NEDD4L: variants seen among roughly 807,000 people sequenced by gnomAD.
NEDD4L encodes E3 ubiquitin-protein ligase NEDD4-like.
In NEDD4L, 54 loss-of-function variants were observed where a neutral mutation model predicts 148.9. That is an observed-to-expected ratio of 0.36 (90% confidence interval 0.29 to 0.45). NEDD4L has a LOEUF of 0.45. NEDD4L is among the 20% of genes least tolerant of loss of function. The pLI is 1.00. For synonymous variants in NEDD4L, 433 were observed against 440.7 expected (o/e 0.98, Z 0.22); for missense variants, 856 against 1,233.8 (o/e 0.69, Z 4.59).
At chr18:58,344,312 C>G (rs78297981) in intron 16 of NEDD4L, among the ~76,000 whole-genome samples, 1 of 152,178 alleles carries the variant, frequency 6.6e-6, no homozygotes, top group African/African-American at 2.4e-5. Context: ...TCCTTTGAAC[C>G]GTGGGACATT....
At position 58,166,997 on chromosome 18, in the gene NEDD4L, G is replaced by A. The variant is rs58831097; in HGVS notation, c.122+1136G>A. On this transcript the variant is annotated intron_variant, in intron 2 of 30. Coordinates refer to ENST00000400345, the MANE Select transcript of NEDD4L (RefSeq NM_001144967.3). Reference sequence around the variant, plus strand: ...GATTGATCATGCATGATTGAGTTTTGTCTATTAAAGCAATTGTTAAGTTAC... The same window carrying A: ...GATTGATCATGCATGATTGAGTTTTATCTATTAAAGCAATTGTTAAGTTAC... 6.6e-3 allele frequency among the ~76,000 whole-genome samples: 1,006 copies of A among 152,262 alleles called. 18 individuals carry two copies. Among genetic ancestry groups the A allele is most frequent in the African/African-American group, 0.023 (969 of 41,546 alleles).
Position 58,044,469 on chromosome 18 carries a change from A to G in NEDD4L, c.-192A>G. ...CTGGTCCCGCAGCCTTCCGGGAGGA[A>G]GCGGTGCCGGCAGCGTCCAGGGCGC... On this transcript the variant is annotated 5_prime_UTR_variant, in exon 1 of 31. Transcript: ENST00000400345. The G allele has an allele frequency of 1.7e-6, 1 of 592,616 alleles. No individual in the cohort carries two copies. Among genetic ancestry groups the G allele is most frequent in the Non-Finnish European group, 2.4e-6 (1 of 414,342 alleles). 36.7% of individuals were successfully genotyped at this position (592,616 alleles called of 1,614,324 possible). A position where few individuals can be genotyped will look rare whatever the true frequency, so the allele number is the denominator to read the frequency against.
intron 5 of NEDD4L, among the ~76,000 whole-genome samples, chr18:58,308,108 T>G (rs1329883535): frequency 6.6e-6 from 1 of 152,212 alleles, no homozygotes; most frequent in Non-Finnish European, 1.5e-5. Flanking sequence ...GAGAACCCAG[T>G]GACACATTTT....
intron 1 of NEDD4L, among the ~76,000 whole-genome samples, chr18:58,161,650 C>T (rs867190841): frequency 1.1e-4 from 16 of 152,198 alleles, no homozygotes; most frequent in Middle Eastern, 6.8e-3. Context: ...ACTGCTATAA[C>T]AACTTTTGGT....
At chr18:58,268,046 A>G (rs867236368) in intron 5 of NEDD4L, among the ~76,000 whole-genome samples, 1 of 152,048 alleles carries the variant, frequency 6.6e-6, no homozygotes, top group African/African-American at 2.4e-5. Flanking sequence ...TCAACTGTCA[A>G]AAGCCCAATT....
rs111463897 is a variant in NEDD4L, at chr18:58,387,510, A to G, written c.2547+12A>G. On this transcript the variant is annotated intron_variant, in intron 27 of 30. Coordinates refer to ENST00000400345, the MANE Select transcript of NEDD4L (RefSeq NM_001144967.3). Reference sequence around the variant, plus strand: ...AAAATGAGCTGGAGGTTTGTATTATAAACATTATTTTATGTAAAGTGGATT... The same window carrying G: ...AAAATGAGCTGGAGGTTTGTATTATGAACATTATTTTATGTAAAGTGGATT... 7 of 1,544,766 alleles carry G rather than the reference A, an allele frequency of 4.5e-6. No individual in the cohort carries two copies. The African/African-American group carries it at 6.9e-5, about 15-fold the overall frequency.
At chr18:58,154,171 A>G (rs573532099) in intron 1 of NEDD4L, among the ~76,000 whole-genome samples, 64 of 152,334 alleles carry the variant, frequency 4.2e-4, no homozygotes, top group African/African-American at 1.5e-3. Context: ...TAAGGCCAAG[A>G]AAAGTTTCCT....
chr18:58,150,843 G>A (rs1430254460), intron 1 of NEDD4L, among the ~76,000 whole-genome samples: 1 of 151,520 alleles, frequency 6.6e-6, no homozygotes, highest in Non-Finnish European at 1.5e-5. Context: ...TTCCATACTG[G>A]GGGCCTTGGT....
intron 1 of NEDD4L, among the ~76,000 whole-genome samples, chr18:58,079,793 A>G (rs1488436460): frequency 6.6e-6 from 1 of 152,198 alleles, no homozygotes; most frequent in African/African-American, 2.4e-5. Context: ...AGGTATGAGC[A>G]TGGGAACTCT....
chr18:58,388,983 C>T (rs372870904), intron 27 of NEDD4L, 102 bp from the exon 28 acceptor site: 7 of 888,380 alleles, frequency 7.9e-6, no homozygotes, highest in East Asian at 7.9e-5. Context: ...CTTACCTTCG[C>T]GGCACAGTGA....
intron 5 of NEDD4L, among the ~76,000 whole-genome samples, chr18:58,261,348 A>G (rs1193615520): frequency 6.6e-6 from 1 of 152,176 alleles, no homozygotes; most frequent in Non-Finnish European, 1.5e-5. Flanking sequence ...TAATATTTCC[A>G]GTGGTTGAGT....
chr18:58,386,337 C>T (rs1005168902), intron 26 of NEDD4L, among the ~76,000 whole-genome samples: 19 of 152,224 alleles, frequency 1.2e-4, no homozygotes, highest in Admixed American at 4.6e-4. Context: ...AGGCATGAGC[C>T]GCCGCGCCCA....
intron 16 of NEDD4L, among the ~76,000 whole-genome samples, chr18:58,345,583 A>G (rs2042939090): frequency 6.6e-6 from 1 of 152,214 alleles, no homozygotes; most frequent in Non-Finnish European, 1.5e-5. Flanking sequence ...ACCAACCAGA[A>G]GCCTGAAAAG....
At chr18:58,304,980 G>A (rs1220152078) in intron 5 of NEDD4L, among the ~76,000 whole-genome samples, 1 of 152,218 alleles carries the variant, frequency 6.6e-6, no homozygotes, top group African/African-American at 2.4e-5. Flanking sequence ...TTGTGCACCT[G>A]TGAATCTTAC....
intron 1 of NEDD4L, among the ~76,000 whole-genome samples, chr18:58,086,461 C>G (rs1302219549): frequency 1.3e-5 from 2 of 152,104 alleles, no homozygotes; most frequent in Non-Finnish European, 2.9e-5. Context: ...GATGTACATT[C>G]TCATATATTT....
At chr18:58,355,661 C>G (rs1351698618) in intron 18 of NEDD4L, among the ~76,000 whole-genome samples, 8 of 152,150 alleles carry the variant, frequency 5.3e-5, no homozygotes, top group Non-Finnish European at 1.2e-4. Context: ...CTTTTACTTT[C>G]CAAAGTCTTC....
In NEDD4L at chr18:58,366,376, C is replaced by G. The variant is rs566447406; in HGVS notation, c.2063+148C>G. The stretch of plus-strand genomic sequence containing the variant: ...CCTCACCCCACAGCCCCTTGCAAGT[C>G]TAGAACAGGTTCTGACTCTACGTGG... On this transcript the variant is annotated intron_variant, in intron 21 of 30. Transcript: ENST00000400345. This position sits in a 1 kb window ranked among gnomAD's most constrained non-coding sequence, Gnocchi z 4.2. The G allele has an allele frequency of 3.6e-6, 2 of 553,176 alleles. No homozygotes were observed. Among genetic ancestry groups the G allele is most frequent in the South Asian group, 6.8e-5 (2 of 29,454 alleles). 34.3% of individuals were successfully genotyped at this position (553,176 alleles called of 1,614,324 possible).
At chr18:58,222,493 AT>A (rs2043882050) in intron 2 of NEDD4L, among the ~76,000 whole-genome samples, 1 of 152,088 alleles carries the variant, frequency 6.6e-6, no homozygotes, top group Non-Finnish European at 1.5e-5. Flanking sequence ...GTTTTCTATC[AT>A]TTTCCCACCC....
intron 1 of NEDD4L, among the ~76,000 whole-genome samples, chr18:58,141,887 C>T (rs1275938869): frequency 8.6e-5 from 13 of 151,948 alleles, no homozygotes; most frequent in East Asian, 7.7e-4. Context: ...TACTGTCTGA[C>T]GAAACTCACA....
Sources: allele counts gnomAD v4.1 joint callset (sites outside exome capture counted in the v4.1 genomes callset), GRCh38; gene constraint gnomAD v4.1.1; non-coding constraint Gnocchi (gnomAD v3.1); transcripts MANE v1.5; gene names NCBI Gene and HGNC (gene_info 2026-07-23, HGNC 2026-07-21).